Variants in FBXO24 observed in about 807,000 individuals in gnomAD.
The protein encoded by FBXO24 is F-box protein 24.
A neutral mutation model predicts 63.5 loss-of-function variants in FBXO24; 30 were observed. The ratio of observed to expected loss-of-function variants is 0.47; its 90% CI spans 0.35 to 0.64. The LOEUF (loss-of-function observed/expected upper bound fraction) is 0.64, where lower values mean the gene tolerates loss of function less well. FBXO24 is among the 30% of genes least tolerant of loss of function. The probability of loss-of-function intolerance (pLI) is 0.00; values close to 1 mark genes in which losing one functional copy is unlikely to be tolerated. For missense variants in FBXO24, 624 were observed against 763.4 expected (o/e 0.82, Z 2.15); for synonymous variants, 300 against 305.0 (o/e 0.98, Z 0.17).
rs948528738 is a variant in FBXO24, at chr7:100,600,659, G to A, written c.1503G>A (p.Glu501=). 5 of 1,613,876 alleles carry A rather than the reference G, an allele frequency of 3.1e-6. No homozygotes were observed. Among genetic ancestry groups the A allele is most frequent in the African/African-American group, 2.7e-5 (2 of 74,900 alleles). The change falls in exon 10 of 10, where the codon GAG becomes GAA. Residue 501 remains glutamate, a synonymous_variant. Coordinates refer to ENST00000241071, the MANE Select transcript of FBXO24 (RefSeq NM_033506.3). This position sits in a 1 kb window ranked among gnomAD's most constrained non-coding sequence, Gnocchi z 6.3. ...LPASRVVGTP[E]PSLGARAPQD... ...CCAGCAGGGTGGTGGGGACTCCTGA[G>A]CCCAGCCTGGGGGCCAGAGCACCCC... is the stretch of plus-strand genomic sequence containing the variant.
At position 100,600,408 on chromosome 7, in the gene FBXO24, G is replaced by C; in HGVS notation, c.1378-126G>C. On this transcript the variant is annotated intron_variant, in intron 9 of 9. Coordinates refer to ENST00000241071, the MANE Select transcript of FBXO24 (RefSeq NM_033506.3). The surrounding 1 kb of genome is among the most constrained non-coding windows in gnomAD (Gnocchi z 6.3). Reference sequence around the variant, plus strand: ...GCCTTGCCCAACCTCACACACCCCTGGGACTTAGCCGGCTCAGGGCTGGTG... The same window carrying C: ...GCCTTGCCCAACCTCACACACCCCTCGGACTTAGCCGGCTCAGGGCTGGTG... The C allele has an allele frequency of 6.7e-7, 1 of 1,491,644 alleles. No individual in the cohort carries two copies. Among genetic ancestry groups the C allele is most frequent in the Non-Finnish European group, 9.0e-7 (1 of 1,113,008 alleles). 92.4% of individuals were successfully genotyped at this position (1,491,644 alleles called of 1,614,324 possible).
Position 100,600,133 on chromosome 7 carries a change from T to C in FBXO24, c.1309T>C (p.Cys437Arg). 6.2e-7 allele frequency: 1 copy of C among 1,600,508 alleles called. No individual in the cohort carries two copies. Among genetic ancestry groups the C allele is most frequent in the East Asian group, 2.3e-5 (1 of 44,422 alleles). ...EFSKELLGCG[C>R]GAGGRLPGWP... ...CAGCAAGGAGCTGCTGGGCTGCGGC[T>C]GTGGGGCTGGGGGCCGCCTCCCAGG... is the stretch of plus-strand genomic sequence containing the variant. The change falls in exon 9 of 10, where the codon TGT becomes CGT. Residue 437 changes from cysteine to arginine, a missense_variant. Transcript: ENST00000241071. The surrounding 1 kb of genome is among the most constrained non-coding windows in gnomAD (Gnocchi z 6.3).
At position 100,595,593 on chromosome 7, in the gene FBXO24, G is replaced by A; in HGVS notation, c.1093G>A (p.Gly365Ser). ...ACGCTAGATCCTATTCTGTGCTCTT[G>A]GCTACAACCACCTTGGCCTGGTGGA... ...LPAKILFCAL[G>S]YNHLGLVDEF... Residue 365 changes from glycine (G) to serine (S), a missense_variant, in exon 8 of 10, where the codon GGC (glycine) becomes AGC (serine). By Grantham distance (56) the Gly-to-Ser change is moderately conservative. Transcript: ENST00000241071. 6.2e-7 allele frequency: 1 copy of A among 1,611,094 alleles called. No individual in the cohort carries two copies.
At position 100,586,615 on chromosome 7, in the gene FBXO24, C is replaced by T. The variant is rs769129227; in HGVS notation, c.-11C>T. The T allele has an allele frequency of 9.3e-6, 15 of 1,614,102 alleles. 1 individual carries two copies. The South Asian group carries it at 1.4e-4, about 15-fold the overall frequency. ...CCTCTTCTCTGAGGGACGGCTCTAC[C>T]TACCAATAGCATGGGCGAGAAGGCG... is the stretch of plus-strand genomic sequence containing the variant. On this transcript the variant is annotated 5_prime_UTR_variant, in exon 1 of 10. Coordinates refer to ENST00000241071, the MANE Select transcript of FBXO24 (RefSeq NM_033506.3).
In FBXO24 at chr7:100,600,951, G is replaced by C; in HGVS notation, c.*52G>C. ...GAGGAGGGAGTCCGGCCCCAGGCCA[G>C]GGACTAAGGAGCAATGACCATTGTG... is the stretch of plus-strand genomic sequence containing the variant. On this transcript the variant is annotated 3_prime_UTR_variant, in exon 10 of 10. Coordinates refer to ENST00000241071, the MANE Select transcript of FBXO24 (RefSeq NM_033506.3). This position sits in a 1 kb window ranked among gnomAD's most constrained non-coding sequence, Gnocchi z 6.3. The C allele has an allele frequency of 6.4e-7, 1 of 1,570,296 alleles. No individual in the cohort carries two copies.
chr7:100,591,031 A>ATTTTTTTT lies in FBXO24; in HGVS notation c.323-619_323-612dup, dbSNP rs930978218. On this transcript the variant is annotated intron_variant, in intron 3 of 9. Transcript: ENST00000241071. ...CTTCTCTTTTCTTTCTTTTTCTTTG[A>ATTTTTTTT]TTTTTTTTTTTTTTTTTTTTTTTTG... is the stretch of plus-strand genomic sequence containing the variant. Among the ~76,000 whole-genome samples, 42 of 86,668 alleles carry ATTTTTTTT rather than the reference A, an allele frequency of 4.8e-4. 1 individual carries two copies. The highest frequency in any genetic ancestry group is 6.3e-4 in the Non-Finnish European group (29 of 46,106). The allele number at this position is 86,668 out of a possible 152,430, so 56.9% of individuals were successfully genotyped here. A position where few individuals can be genotyped will look rare whatever the true frequency, so the allele number is the denominator to read the frequency against.
At chr7:100,599,391 T>A (rs1802475220) in intron 8 of FBXO24, among the ~76,000 whole-genome samples, 1 of 151,958 alleles carries the variant, frequency 6.6e-6, no homozygotes, top group African/African-American at 2.4e-5. Context: ...CTGGTCAACA[T>A]GGCAAAACCC....
At chr7:100,596,824 C>T (rs1004330867) in intron 8 of FBXO24, among the ~76,000 whole-genome samples, 12 of 152,146 alleles carry the variant, frequency 7.9e-5, no homozygotes, top group Admixed American at 2.0e-4. Context: ...GGGTGGATCA[C>T]GTGAGCCCAG....
In FBXO24 at chr7:100,595,107, G is replaced by T. The variant is rs946940461; in HGVS notation, c.958G>T (p.Gly320Trp). 1 of 1,613,968 alleles carries T rather than the reference G, an allele frequency of 6.2e-7. No individual in the cohort carries two copies. The highest frequency in any genetic ancestry group is 8.5e-7 in the Non-Finnish European group (1 of 1,179,932). Residue 320 changes from glycine (G) to tryptophan (W), a missense_variant, in exon 7 of 10, where the codon GGG becomes TGG. Gly to Trp is a radical substitution (Grantham distance 184). Transcript: ENST00000241071. ...GAGGGCTCCTGACCCCCCAGACCAG[G>T]GGGGAGTGTATTTTGAGGTGCATAC... ...QSSTLYVTDQ[G>W]GVYFEVHTPG...
rs1801756186 is a variant in FBXO24, at chr7:100,586,451, C to T, written c.-175C>T. ...ACCAAGAGGAGGGGACACCGGCACTCCACTAGCAGGAAAACGGGCCGAGGG... is the reference window on the plus strand; with the variant it reads ...ACCAAGAGGAGGGGACACCGGCACTTCACTAGCAGGAAAACGGGCCGAGGG... On this transcript the variant is annotated 5_prime_UTR_variant, in exon 1 of 10. Transcript: ENST00000241071. The T allele has an allele frequency of 1.4e-6, 1 of 695,322 alleles. No individual in the cohort carries two copies. Among genetic ancestry groups the T allele is most frequent in the South Asian group, 1.7e-5 (1 of 58,306 alleles). 43.1% of individuals were successfully genotyped at this position (695,322 alleles called of 1,614,324 possible).
rs574480532 is a variant in FBXO24 at position 100,587,693 on chromosome 7, G to A, written c.39+1029G>A. On this transcript the variant is annotated intron_variant, in intron 1 of 9. Coordinates refer to ENST00000241071, the MANE Select transcript of FBXO24 (RefSeq NM_033506.3). ...TGGCTCACTGCAGCCTTGAATGCCT[G>A]GGCTCAAGTGATCCTCCTGCCTCAG... 1.5e-4 allele frequency among the ~76,000 whole-genome samples: 23 copies of A among 149,048 alleles called. No individual in the cohort carries two copies. In the East Asian group the frequency reaches 4.2e-3, roughly 27 times the overall value.
At position 100,586,345 on chromosome 7, in the gene FBXO24, C is replaced by T. The variant is rs1243626759; in HGVS notation, c.-281C>T. Reference sequence around the variant, plus strand: ...ACAAGGATAGAGCGCTCGCCAACGGCCGACGCTCCAGGCCGTCCCGCCCAG... The same window carrying T: ...ACAAGGATAGAGCGCTCGCCAACGGTCGACGCTCCAGGCCGTCCCGCCCAG... On this transcript the variant is annotated 5_prime_UTR_variant, in exon 1 of 10. Transcript: ENST00000241071. The T allele has an allele frequency of 4.6e-6, 3 of 652,418 alleles. No homozygotes were observed. Among genetic ancestry groups the T allele is most frequent in the African/African-American group, 1.8e-5 (1 of 54,686 alleles). 40.4% of individuals were successfully genotyped at this position (652,418 alleles called of 1,614,324 possible).
chr7:100,589,987 G>C lies in FBXO24; in HGVS notation c.50G>C (p.Ser17Thr). Residue 17 changes from serine to threonine, a missense_variant, in exon 2 of 10, where the codon AGC becomes ACC. Ser to Thr is a moderately conservative substitution (Grantham distance 58). Around this residue, in one of 3 missense-constraint regions of FBXO24, gnomAD observed 391 missense variants for 469.1 expected, o/e 0.83. Transcript: ENST00000241071. ...PLLRRRRVKR[S>T]CPSCGSELGV... is the part of the protein sequence containing the mutation. ...CCCCTTCTTGGGTAGGTGAAGAGAA[G>C]CTGCCCTTCTTGTGGCTCGGAGCTT... is the stretch of plus-strand genomic sequence containing the variant. The C allele has an allele frequency of 6.2e-7, 1 of 1,613,284 alleles. No homozygotes were observed. Among genetic ancestry groups the C allele is most frequent in the Non-Finnish European group, 8.5e-7 (1 of 1,179,700 alleles).
At chr7:100,596,772 A>G (rs1562821037) in intron 8 of FBXO24, among the ~76,000 whole-genome samples, 1 of 152,060 alleles carries the variant, frequency 6.6e-6, no homozygotes, top group African/African-American at 2.4e-5. Flanking sequence ...TGGAAGAAAG[A>G]TATCTCACAC....
chr7:100,592,791 G>A lies in FBXO24; in HGVS notation c.567G>A (p.Ser189=), dbSNP rs769426127. The change falls in exon 5 of 10, where the codon TCG becomes TCA. Residue 189 remains serine, a synonymous_variant. Transcript: ENST00000241071. ...VLCRGAKDFA[S]DPRCDTVYRK... is the part of the protein sequence containing the mutation. The stretch of plus-strand genomic sequence containing the variant: ...CTCATCTTTTCCCCCAGTTTGCCTC[G>A]GACCCAAGGTGTGACACAGTTTACC... 59 of 1,613,358 alleles carry A rather than the reference G, an allele frequency of 3.7e-5. 1 individual carries two copies. Among genetic ancestry groups the A allele is most frequent in the South Asian group, 3.6e-4 (33 of 91,000 alleles).
intron 3 of FBXO24, 84 bp from the exon 4 acceptor site, chr7:100,591,583 T>G (rs1802029090): frequency 7.9e-7 from 1 of 1,273,788 alleles, no homozygotes; most frequent in Non-Finnish European, 1.1e-6. Context: ...CAAACCAGCG[T>G]GTCTAAGAAA....
At chr7:100,592,701 C>A in intron 4 of FBXO24, 82 bp from the exon 5 acceptor site, 1 of 1,102,352 alleles carries the variant, frequency 9.1e-7, no homozygotes, top group Non-Finnish European at 1.3e-6. Flanking sequence ...AAGCATTTCA[C>A]TTCCCACCCC....
At position 100,595,110 on chromosome 7, in the gene FBXO24, G is replaced by T; in HGVS notation, c.961G>T (p.Gly321Ter). 1 of 1,614,018 alleles carries T rather than the reference G, an allele frequency of 6.2e-7. No homozygotes were observed. Among genetic ancestry groups the T allele is most frequent in the African/African-American group, 1.3e-5 (1 of 75,012 alleles). ...GGCTCCTGACCCCCCAGACCAGGGG[G>T]GAGTGTATTTTGAGGTGCATACCCC... ...SSTLYVTDQG[G>*]VYFEVHTPGV... Residue 321 changes from glycine (G) to a stop codon, truncating the protein, a stop_gained, in exon 7 of 10, where the codon GGA becomes TGA. Transcript: ENST00000241071. LOFTEE classifies it high-confidence loss of function.
Position 100,591,782 on chromosome 7 carries a change from C to T in FBXO24, c.438C>T (p.Val146=). ...YRRFLPTKDH[V]FILDYVGTLF... ...GCTTCTTGCCCACCAAGGATCACGT[C>T]TTCATTCTTGACTACGTGGGGACCC... Residue 146 remains valine (V), a synonymous_variant, in exon 4 of 10, where the codon GTC becomes GTT. Transcript: ENST00000241071. 3 of 1,614,260 alleles carry T rather than the reference C, an allele frequency of 1.9e-6. No individual in the cohort carries two copies. The highest frequency in any genetic ancestry group is 2.5e-6 in the Non-Finnish European group (3 of 1,180,046).
Sources: gnomAD v4.1 joint callset for allele counts (sites outside exome capture counted in the v4.1 genomes callset) on GRCh38, gnomAD v4.1.1 for gene constraint, gnomAD v4.1.1 regional missense constraint, Gnocchi (gnomAD v3.1) non-coding constraint, MANE v1.5 for transcripts, NCBI Gene and HGNC (gene_info 2026-07-23, HGNC 2026-07-21) for gene names.